The following DMWD variants were observed in gnomAD, a reference collection of about 807,000 sequenced individuals.
The protein encoded by DMWD is DM1 locus, WD repeat containing.
In DMWD, 19 loss-of-function variants were observed where a neutral mutation model predicts 45.8. That is an observed-to-expected ratio of 0.41 (90% CI 0.29 to 0.61). The LOEUF (loss-of-function observed/expected upper bound fraction) is 0.61. Ranked by LOEUF, DMWD falls within the 20% of genes least tolerant of loss-of-function variation. DMWD has a pLI of 0.25. For synonymous variants in DMWD, 515 were observed against 440.5 expected (o/e 1.17, Z -2.12); for missense variants, 802 against 965.2 (o/e 0.83, Z 2.24).
chr19:45,786,745 G>C lies in DMWD; in HGVS notation c.751C>G (p.Pro251Ala). Residue 251 changes from proline to alanine, a missense_variant, in exon 3 of 5, where the codon CCG becomes GCG. Pro to Ala is a conservative substitution (Grantham distance 27, BLOSUM62 -1). Around this residue, in one of 9 missense-constraint regions of DMWD, gnomAD observed 146 missense variants for 212.8 expected, o/e 0.69. Coordinates refer to ENST00000270223, the MANE Select transcript of DMWD (RefSeq NM_004943.2). ...TGCTTCAGCAGGCTGTACTGGGGCG[G>C]GGCCGAGGCGCAGGGGTGGCTGACG... ...YNVSHPCASA[P>A]PQYSLLKQGE... The C allele has an allele frequency of 6.2e-7, 1 of 1,614,102 alleles. No individual in the cohort carries two copies. The highest frequency in any genetic ancestry group is 1.1e-5 in the South Asian group (1 of 91,084).
rs1422012874 is a variant in DMWD, at chr19:45,792,412, C to A, written c.345G>T (p.Thr115=). Residue 115 remains threonine (T), a synonymous_variant, in exon 1 of 5, where the codon ACG becomes ACT. Transcript: ENST00000270223. ...CTCCCCCCGAGCCCAGCCCCGCGGG[C>A]GTGGCGGGCGGCTCCCCGGCCCCGG... The part of the protein sequence containing the change: ...DSAGAGEPPA[T]PAGLGSGGDR... 9.5e-6 allele frequency: 15 copies of A among 1,580,016 alleles called. No homozygotes were observed. In the East Asian group the frequency reaches 3.3e-4, roughly 35 times the overall value.
At position 45,787,283 on chromosome 19, in the gene DMWD, C is replaced by T. The variant is rs1357353278; in HGVS notation, c.625-412G>A. 5 of 260,564 alleles carry T rather than the reference C, an allele frequency of 1.9e-5. No individual in the cohort carries two copies. The East Asian group carries it at 5.3e-4, about 28-fold the overall frequency. 16.1% of individuals were successfully genotyped at this position (260,564 alleles called of 1,614,324 possible). On this transcript the variant is annotated intron_variant, in intron 2 of 4. Coordinates refer to ENST00000270223, the MANE Select transcript of DMWD (RefSeq NM_004943.2). Reference sequence around the variant, plus strand: ...GGCGAGCAGGCATTACAGCCTGAGCCCAGCCTCCTACCGGAGCAGCGCACC... The same window carrying T: ...GGCGAGCAGGCATTACAGCCTGAGCTCAGCCTCCTACCGGAGCAGCGCACC...
chr19:45,790,316 G>GA (rs1029794005), intron 2 of DMWD: 10 of 81,734 alleles, frequency 1.2e-4, no homozygotes, highest in Non-Finnish European at 1.8e-4. Context: ...GCCTTAAAAA[G>GA]AAAAAAAAAA....
At chr19:45,792,245 G>T in intron 1 of DMWD, 71 bp downstream of exon 1, 1 of 1,525,850 alleles carries the variant, frequency 6.6e-7, no homozygotes, top group Non-Finnish European at 8.8e-7. Context: ...ATCAATTCGG[G>T]GACCCTCCTA....
chr19:45,785,454 A>T, intron 3 of DMWD, 140 bp downstream of exon 3: 1 of 1,387,808 alleles, frequency 7.2e-7, no homozygotes. Flanking sequence ...TTGTACTGAG[A>T]CACTAAGATT....
intron 2 of DMWD, chr19:45,787,357 G>C (rs8100208): frequency 0.11 from 20,474 of 178,818 alleles, 1,408 homozygotes; most frequent in South Asian, 0.21. Context: ...ATGCATGCGA[G>C]GGATCTAGGT....
At chr19:45,790,796 G>A (rs771413618) in intron 2 of DMWD, 109 bp downstream of exon 2, 1 of 1,278,522 alleles carries the variant, frequency 7.8e-7, no homozygotes, top group East Asian at 2.4e-5. Context: ...TCTCTCCCTG[G>A]TCCTGCCCCT....
Position 45,792,394 on chromosome 19 carries a change from C to A in DMWD, c.363G>T (p.Ser121=). The A allele has an allele frequency of 6.3e-7, 1 of 1,598,898 alleles. No homozygotes were observed. The highest frequency in any genetic ancestry group is 8.5e-7 in the Non-Finnish European group (1 of 1,173,330). ...AGTTGAAGCAGACGCGGTCTCCCCC[C>A]GAGCCCAGCCCCGCGGGCGTGGCGG... ...EPPATPAGLG[S]GGDRVCFNLG... is the part of the protein sequence containing the mutation. Residue 121 remains serine, a synonymous_variant, in exon 1 of 5, where the codon TCG becomes TCT. Coordinates refer to ENST00000270223, the MANE Select transcript of DMWD (RefSeq NM_004943.2).
In DMWD at chr19:45,790,621, C is replaced by T. The variant is rs534043929; in HGVS notation, c.624+284G>A. On this transcript the variant is annotated intron_variant, in intron 2 of 4. Coordinates refer to ENST00000270223, the MANE Select transcript of DMWD (RefSeq NM_004943.2). Reference sequence around the variant, plus strand: ...TGAGCAGAGATCGCGCCACTGCACTCCAGCCTGGGTGACAGGGTGAGACTC... The same window carrying T: ...TGAGCAGAGATCGCGCCACTGCACTTCAGCCTGGGTGACAGGGTGAGACTC... 1.3e-5 allele frequency: 3 copies of T among 233,820 alleles called. No homozygotes were observed. In the South Asian group the frequency reaches 2.7e-4, roughly 21 times the overall value. The allele number at this position is 233,820 out of a possible 1,614,324, so 14.5% of individuals were successfully genotyped here.
chr19:45,787,491 G>A (rs1024871243), intron 2 of DMWD, among the ~76,000 whole-genome samples: 5 of 152,182 alleles, frequency 3.3e-5, no homozygotes, highest in African/African-American at 9.7e-5. Context: ...GTGCCAAAAT[G>A]GTTGGGGACC....
chr19:45,790,132 C>CA (rs1239551991), intron 2 of DMWD: 4 of 151,618 alleles, frequency 2.6e-5, no homozygotes, highest in African/African-American at 9.7e-5. Flanking sequence ...GCCTGGGCGA[C>CA]AGAGCGAGAC....
Position 45,786,701 on chromosome 19 carries a change from G to C in DMWD, c.795C>G (p.Val265=). The C allele has an allele frequency of 6.2e-7, 1 of 1,612,176 alleles. No homozygotes were observed. The highest frequency in any genetic ancestry group is 8.5e-7 in the Non-Finnish European group (1 of 1,178,508). ...SLLKQGEGFS[V]YAAKSKAPRN... is the part of the protein sequence containing the mutation. ...GGGGTGCCTTGCTCTTGGCAGCATA[G>C]ACAGAGAAGCCCTCGCCCTGCTTCA... is the stretch of plus-strand genomic sequence containing the variant. The change falls in exon 3 of 5, where the codon GTC becomes GTG. Residue 265 remains valine (V), a synonymous_variant. Coordinates refer to ENST00000270223, the MANE Select transcript of DMWD (RefSeq NM_004943.2).
rs144009493 is a variant in DMWD at position 45,786,668 on chromosome 19, C to T, written c.828G>A (p.Pro276=). The change falls in exon 3 of 5, where the codon CCG becomes CCA. Residue 276 remains proline, a synonymous_variant. Coordinates refer to ENST00000270223, the MANE Select transcript of DMWD (RefSeq NM_004943.2). ...YAAKSKAPRN[P]LAKWAVGEGP... is the part of the protein sequence containing the mutation. ...CCTCACCCACCGCCCACTTGGCCAG[C>T]GGGTTGCGGGGTGCCTTGCTCTTGG... 3.3e-5 allele frequency: 53 copies of T among 1,610,450 alleles called. No individual in the cohort carries two copies. The African/African-American group carries it at 4.5e-4, about 14-fold the overall frequency.
intron 3 of DMWD, 142 bp from the exon 4 acceptor site, chr19:45,784,857 C>A: frequency 1.5e-6 from 2 of 1,372,900 alleles, no homozygotes; most frequent in Admixed American, 2.9e-5. Flanking sequence ...TCTGAGGAAC[C>A]AAGCCACGGC....
intron 4 of DMWD, 149 bp downstream of exon 4, chr19:45,784,492 A>C: frequency 7.3e-7 from 1 of 1,376,222 alleles, no homozygotes; most frequent in South Asian, 1.4e-5. Context: ...GGCAGTCAGC[A>C]CTTTCACGCA....
chr19:45,785,864 G>A lies in DMWD; in HGVS notation c.1632C>T (p.His544=). 1 of 1,607,908 alleles carries A rather than the reference G, an allele frequency of 6.2e-7. No individual in the cohort carries two copies. The highest frequency in any genetic ancestry group is 8.5e-7 in the Non-Finnish European group (1 of 1,179,746). The change falls in exon 3 of 5, where the codon CAC becomes CAT. Residue 544 remains histidine, a synonymous_variant. Coordinates refer to ENST00000270223, the MANE Select transcript of DMWD (RefSeq NM_004943.2). ...CACCCCGGCTGATGTTGCCCAGGCT[G>A]TGGTAGCGCTTGTGCTCCTTCTCTG... ...RGAEKEHKRY[H]SLGNISRGGS...
intron 1 of DMWD, 32 bp from the exon 2 acceptor site, chr19:45,791,119 G>A: frequency 6.3e-7 from 1 of 1,579,456 alleles, no homozygotes; most frequent in Non-Finnish European, 8.6e-7. Flanking sequence ...AGTTAATGGT[G>A]TATGCCACTG....
In DMWD at chr19:45,784,416, G is replaced by A. The variant is rs776472720; in HGVS notation, c.1978-126C>T. ...CCACCCTGGCCTTGCCCTTGGGTCCGCCCTAGACCCCCCAGAGGCCACTGC... is the reference window on the plus strand; with the variant it reads ...CCACCCTGGCCTTGCCCTTGGGTCCACCCTAGACCCCCCAGAGGCCACTGC... On this transcript the variant is annotated intron_variant, in intron 4 of 4. Coordinates refer to ENST00000270223, the MANE Select transcript of DMWD (RefSeq NM_004943.2). The A allele has an allele frequency of 6.5e-4, 806 of 1,248,604 alleles. 1 individual carries two copies. Among genetic ancestry groups the A allele is most frequent in the Non-Finnish European group, 8.1e-4 (736 of 912,842 alleles). 77.3% of individuals were successfully genotyped at this position (1,248,604 alleles called of 1,614,324 possible).
rs1393942680 is a variant in DMWD at position 45,784,662 on chromosome 19, T to C, written c.1956A>G (p.Ser652=). 1 of 1,613,820 alleles carries C rather than the reference T, an allele frequency of 6.2e-7. No homozygotes were observed. Among genetic ancestry groups the C allele is most frequent in the Non-Finnish European group, 8.5e-7 (1 of 1,179,786 alleles). Residue 652 remains serine (S), a synonymous_variant, in exon 4 of 5, where the codon TCA becomes TCG. Transcript: ENST00000270223. ...AQTGEGSWPR[S]PSKSVVEGIS... ...CTACCTCTACCACTGACTTGCTGGGTGACCTGGGCCAACTTCCTTCCCCTG... is the reference window on the plus strand; with the variant it reads ...CTACCTCTACCACTGACTTGCTGGGCGACCTGGGCCAACTTCCTTCCCCTG...
Sources: gnomAD v4.1 joint callset for allele counts (sites outside exome capture counted in the v4.1 genomes callset) on GRCh38, gnomAD v4.1.1 for gene constraint, gnomAD v4.1.1 regional missense constraint, MANE v1.5 for transcripts, NCBI Gene and HGNC (gene_info 2026-07-23, HGNC 2026-07-21) for gene names.